NOTCH3: variants seen among roughly 807,000 people sequenced by gnomAD.
NOTCH3 encodes the protein neurogenic locus notch homolog protein 3.
In NOTCH3, 86 loss-of-function variants were observed where a neutral mutation model predicts 213.3. The ratio of observed to expected loss-of-function variants is 0.40; its 90% CI spans 0.34 to 0.48. NOTCH3 has a LOEUF of 0.48. NOTCH3 is among the 20% of genes least tolerant of loss of function. The pLI is 0.57. For missense variants in NOTCH3, 2,783 were observed against 3,272.6 expected (o/e 0.85, Z 3.65); for synonymous variants, 1,354 against 1,355.9 (o/e 1.00, Z 0.03).
In NOTCH3 at chr19:15,174,050, C is replaced by T. The variant is rs1291940196; in HGVS notation, c.4736+18G>A. 5.2e-6 allele frequency: 8 copies of T among 1,543,624 alleles called. No homozygotes were observed. Among genetic ancestry groups the T allele is most frequent in the African/African-American group, 2.7e-5 (2 of 72,932 alleles). ...CCTCTCCCCAGCCACCACGGCTTTT[C>T]CAGGTGGGGTCACTCACCCGATCAC... On this transcript the variant is annotated intron_variant, in intron 25 of 32. Transcript: ENST00000263388.
Position 15,159,705 on chromosome 19 carries a change from G to C in NOTCH3, c.*957C>G, listed in dbSNP as rs950035959. 1 of 232,952 alleles carries C rather than the reference G, an allele frequency of 4.3e-6. No individual in the cohort carries two copies. Among genetic ancestry groups the C allele is most frequent in the Non-Finnish European group, 8.5e-6 (1 of 117,856 alleles). The allele number at this position is 232,952 out of a possible 1,614,324, so 14.4% of individuals were successfully genotyped here. On this transcript the variant is annotated 3_prime_UTR_variant, in exon 33 of 33. Coordinates refer to ENST00000263388, the MANE Select transcript of NOTCH3 (RefSeq NM_000435.3). ...GTACAATGCAGGGCTTGGGAATTCAGCTACACAGGGATTTTGACCAGAAGC... is the reference window on the plus strand; with the variant it reads ...GTACAATGCAGGGCTTGGGAATTCACCTACACAGGGATTTTGACCAGAAGC...
rs112269053 is a variant in NOTCH3, at chr19:15,174,160, G to A, written c.4644C>T (p.Asp1548=). The A allele has an allele frequency of 2.5e-6, 4 of 1,609,712 alleles. No individual in the cohort carries two copies. The highest frequency in any genetic ancestry group is 1.3e-5 in the African/African-American group (1 of 75,000). ...ILRTSLRFRL[D]AHGQAMVFPY... Reference sequence around the variant, plus strand: ...GGAAGACCATGGCCTGGCCGTGCGCGTCCAGGCGGAAGCGCAGCGAGGTGC... The same window carrying A: ...GGAAGACCATGGCCTGGCCGTGCGCATCCAGGCGGAAGCGCAGCGAGGTGC... Residue 1548 remains aspartate, a synonymous_variant, in exon 25 of 33, where the codon GAC becomes GAT. Transcript: ENST00000263388.
At chr19:15,174,421 A>T (rs2046770174) in intron 24 of NOTCH3, 21 bp from the exon 25 acceptor site, 1 of 1,499,114 alleles carries the variant, frequency 6.7e-7, no homozygotes, top group Non-Finnish European at 9.0e-7. Flanking sequence ...AGGGTGAGGC[A>T]GAGAGGGGCG....
intron 19 of NOTCH3, 129 bp downstream of exon 19, chr19:15,180,552 C>A: frequency 8.9e-7 from 1 of 1,128,174 alleles, no homozygotes; most frequent in Admixed American, 2.0e-5. Flanking sequence ...CACACCCACA[C>A]CACTCAGCCA....
chr19:15,194,493 G>A (rs2046954367), intron 2 of NOTCH3, among the ~76,000 whole-genome samples: 1 of 152,174 alleles, frequency 6.6e-6, no homozygotes, highest in South Asian at 2.1e-4. Context: ...CCCAGTTTAT[G>A]GTAATTTGTT....
Position 15,191,976 on chromosome 19 carries a change from G to A in NOTCH3, c.663C>T (p.Asp221=). ...TCRQSGDLTY[D]CACLPGFEGQ... ...CTCACTCACCAGGAAGACAGGCACAGTCGTAAGTGAGGTCGCCACTCTGCC... is the reference window on the plus strand; with the variant it reads ...CTCACTCACCAGGAAGACAGGCACAATCGTAAGTGAGGTCGCCACTCTGCC... Residue 221 remains aspartate, a synonymous_variant, in exon 4 of 33, where the codon GAC becomes GAT. Transcript: ENST00000263388. 6.2e-7 allele frequency: 1 copy of A among 1,613,470 alleles called. No individual in the cohort carries two copies. The highest frequency in any genetic ancestry group is 1.1e-5 in the South Asian group (1 of 91,086).
At position 15,177,758 on chromosome 19, in the gene NOTCH3, G is replaced by C; in HGVS notation, c.4170C>G (p.Ala1390=). 2.9e-6 allele frequency: 4 copies of C among 1,389,056 alleles called. No individual in the cohort carries two copies. The highest frequency in any genetic ancestry group is 3.7e-6 in the Non-Finnish European group (4 of 1,080,722). The allele number at this position is 1,389,056 out of a possible 1,614,324, so 86.0% of individuals were successfully genotyped here. A position where few individuals can be genotyped will look rare whatever the true frequency, so the allele number is the denominator to read the frequency against. Residue 1390 remains alanine, a synonymous_variant, in exon 24 of 33, where the codon GCC becomes GCG. Coordinates refer to ENST00000263388, the MANE Select transcript of NOTCH3 (RefSeq NM_000435.3). The stretch of plus-strand genomic sequence containing the variant: ...GGTCCCCGCGCTTGGCCTGGCAGGC[G>C]GCGCGCGGGCACCGCGGCTCCTCCG... ...EVSEEPRCPR[A]ACQAKRGDQR...
intron 15 of NOTCH3, among the ~76,000 whole-genome samples, chr19:15,184,677 C>T (rs1453480975): frequency 2.0e-5 from 3 of 152,164 alleles, no homozygotes; most frequent in African/African-American, 7.2e-5. Flanking sequence ...GAAGCTGTAC[C>T]CTAAACCCCG....
Position 15,187,330 on chromosome 19 carries a change from C to T in NOTCH3, c.1615G>A (p.Gly539Ser). 2 of 1,613,114 alleles carry T rather than the reference C, an allele frequency of 1.2e-6. No individual in the cohort carries two copies. Among genetic ancestry groups the T allele is most frequent in the Non-Finnish European group, 1.7e-6 (2 of 1,179,646 alleles). The change falls in exon 11 of 33, where the codon GGC (glycine) becomes AGC (serine). Residue 539 changes from glycine to serine, a missense_variant. Physicochemically the swap from Gly to Ser is moderately conservative, Grantham distance 56. This residue lies in a region of NOTCH3 where 708 missense variants were observed against 906.6 expected (regional missense o/e 0.78). Transcript: ENST00000263388. ...YECRCAEGFEGTLCDRNVDDC... is the reference protein window; with the variant it reads ...YECRCAEGFESTLCDRNVDDC... The stretch of plus-strand genomic sequence containing the variant: ...TCCACGTTGCGATCACACAGCGTGC[C>T]CTCAAAGCCTGTGGGGCCAAGAGGG...
rs1314321449 is a variant in NOTCH3 at position 15,161,253 on chromosome 19, C to G, written c.6375G>C (p.Gly2125=). 6.5e-7 allele frequency: 1 copy of G among 1,547,558 alleles called. No homozygotes were observed. Among genetic ancestry groups the G allele is most frequent in the Non-Finnish European group, 8.7e-7 (1 of 1,150,892 alleles). The change falls in exon 33 of 33, where the codon GGG becomes GGC. Residue 2125 remains glycine (G), a synonymous_variant. Coordinates refer to ENST00000263388, the MANE Select transcript of NOTCH3 (RefSeq NM_000435.3). ...PASPGGFPLE[G]PYAAATATAV... The stretch of plus-strand genomic sequence containing the variant: ...CAGTGGCAGTGGCAGCTGCATAGGG[C>G]CCCTCAAGGGGGAAGCCACCAGGGG...
At position 15,165,853 on chromosome 19, in the gene NOTCH3, G is replaced by A; in HGVS notation, c.5601C>T (p.Ala1867=). 6.2e-7 allele frequency: 1 copy of A among 1,614,024 alleles called. No homozygotes were observed. The highest frequency in any genetic ancestry group is 8.5e-7 in the Non-Finnish European group (1 of 1,180,010). The part of the protein sequence containing the change: ...RLLDAGADTN[A]QDHSGRTPLH... Reference sequence around the variant, plus strand: ...GGGGAGTGCGGCCTGAGTGGTCCTGGGCATTGGTGTCTGCCCCAGCATCCA... The same window carrying A: ...GGGGAGTGCGGCCTGAGTGGTCCTGAGCATTGGTGTCTGCCCCAGCATCCA... Residue 1867 remains alanine, a synonymous_variant, in exon 30 of 33, where the codon GCC becomes GCT. Coordinates refer to ENST00000263388, the MANE Select transcript of NOTCH3 (RefSeq NM_000435.3). The surrounding 1 kb of genome is among the most constrained non-coding windows in gnomAD (Gnocchi z 4.7).
At chr19:15,195,417 CAG>C (rs1390397142) in intron 2 of NOTCH3, among the ~76,000 whole-genome samples, 7 of 152,102 alleles carry the variant, frequency 4.6e-5, no homozygotes, top group African/African-American at 1.4e-4. Flanking sequence ...TTAGAGAAGC[CAG>C]AGAGTCCAAG....
rs750260409 is a variant in NOTCH3 at position 15,191,637 on chromosome 19, C to T, written c.823G>A (p.Val275Met). 6.2e-6 allele frequency: 10 copies of T among 1,613,668 alleles called. No homozygotes were observed. Among genetic ancestry groups the T allele is most frequent in the South Asian group, 1.1e-5 (1 of 91,082 alleles). The change falls in exon 6 of 33, where the codon GTG becomes ATG. Residue 275 changes from valine (V) to methionine (M), a missense_variant. Physicochemically the swap from Val to Met is conservative, Grantham distance 21 (BLOSUM62 1). This residue lies in a region of NOTCH3 where 708 missense variants were observed against 906.6 expected (regional missense o/e 0.78). Transcript: ENST00000263388. ...TTGGGCTGCAGCTGACACTCATCCA[C>T]GTCCTCCGTGCAGAACTGGCCTGTG... ...EWTGQFCTED[V>M]DECQLQPNAC...
chr19:15,191,374 C>T lies in NOTCH3; in HGVS notation c.1036+50G>A, dbSNP rs748067884. On this transcript the variant is annotated intron_variant, in intron 6 of 32. Transcript: ENST00000263388. ...ACACTCAAGTCAGACTTCTTATTTG[C>T]CCTCACTAAAAACCATCCATGGCTC... The T allele has an allele frequency of 2.7e-6, 4 of 1,472,760 alleles. No homozygotes were observed. The Admixed American group carries it at 6.8e-5, about 25-fold the overall frequency. The allele number at this position is 1,472,760 out of a possible 1,614,324, so 91.2% of individuals were successfully genotyped here. A position where few individuals can be genotyped will look rare whatever the true frequency, so the allele number is the denominator to read the frequency against.
chr19:15,161,249 AG>A lies in NOTCH3; in HGVS notation c.6378del (p.Tyr2127MetfsTer22). ...ACTGCAGTGGCAGTGGCAGCTGCAT[AG>A]GGCCCCTCAAGGGGGAAGCCACCAG... Reference protein sequence around the residue: ...ASPGGFPLEGPYAAATATAVS... With the variant: ...ASPGGFPLEGXYAAATATAVS... On this transcript the variant is annotated frameshift_variant, in exon 33 of 33. Transcript: ENST00000263388. LOFTEE classifies it low-confidence loss of function (END_TRUNC). 6.5e-7 allele frequency: 1 copy of A among 1,547,312 alleles called. No homozygotes were observed.
chr19:15,172,003 TCTC>T, intron 25 of NOTCH3, among the ~76,000 whole-genome samples: 1 of 151,982 alleles, frequency 6.6e-6, no homozygotes, highest in East Asian at 1.9e-4. Context: ...TTCAGGCAAT[TCTC>T]CTGCCTCAGC....
intron 28 of NOTCH3, 113 bp from the exon 29 acceptor site, chr19:15,167,524 G>A: frequency 1.1e-6 from 1 of 908,006 alleles, no homozygotes; most frequent in Non-Finnish European, 1.7e-6. Flanking sequence ...GATACACACA[G>A]AGCCCTGGGA....
In NOTCH3 at chr19:15,162,523, A is replaced by G. The variant is rs1481125351; in HGVS notation, c.5855T>C (p.Val1952Ala). ...ALHWAAAVNN[V>A]EATLALLKNG... is the part of the protein sequence containing the mutation. The stretch of plus-strand genomic sequence containing the variant: ...TTTGAGCAGGGCCAAAGTGGCTTCC[A>G]CGTTGTTCACAGCCGCAGCCCAGTG... The change falls in exon 32 of 33, where the codon GTG becomes GCG. Residue 1952 changes from valine to alanine, a missense_variant. Transcript: ENST00000263388. The G allele has an allele frequency of 6.2e-7, 1 of 1,613,996 alleles. No homozygotes were observed. The highest frequency in any genetic ancestry group is 1.7e-4 in the Middle Eastern group (1 of 6,010).
Position 15,197,589 on chromosome 19 carries a change from G to T in NOTCH3, c.119-11C>A, listed in dbSNP as rs752788656. Reference sequence around the variant, plus strand: ...CCAGGCAAGGGGGGGCTGTGTGGGGGTGAAGGAAGGTGGAGGATCAGCCAG... The same window carrying T: ...CCAGGCAAGGGGGGGCTGTGTGGGGTTGAAGGAAGGTGGAGGATCAGCCAG... On this transcript the variant is annotated splice_polypyrimidine_tract_variant and intron_variant, in intron 1 of 32. Transcript: ENST00000263388. The T allele has an allele frequency of 6.2e-7, 1 of 1,610,484 alleles. No homozygotes were observed. The highest frequency in any genetic ancestry group is 8.5e-7 in the Non-Finnish European group (1 of 1,179,290).
Sources: allele counts gnomAD v4.1 joint callset (sites outside exome capture counted in the v4.1 genomes callset), GRCh38; gene constraint gnomAD v4.1.1; regional missense constraint gnomAD v4.1.1; non-coding constraint Gnocchi (gnomAD v3.1); transcripts MANE v1.5; gene names NCBI Gene and HGNC (gene_info 2026-07-23, HGNC 2026-07-21).